The following METTL25 variants were observed in gnomAD, a reference collection of about 807,000 sequenced individuals.
The protein encoded by METTL25 is methyltransferase like 25.
A neutral mutation model predicts 71.6 loss-of-function variants in METTL25; 64 were observed. The ratio of observed to expected loss-of-function variants is 0.89; its 90% confidence interval spans 0.73 to 1.10. METTL25 has a LOEUF of 1.10. METTL25 is among the 50% of genes least tolerant of loss of function. The probability of loss-of-function intolerance (pLI) is 0.00; values close to 1 mark genes in which losing one functional copy is unlikely to be tolerated. For missense variants in METTL25, 807 were observed against 707.0 expected (o/e 1.14, Z -1.60); for synonymous variants, 287 against 250.3 (o/e 1.15, Z -1.38).
intron 9 of METTL25, among the ~76,000 whole-genome samples, chr12:82,475,846 C>T (rs924035456): frequency 3.2e-4 from 48 of 151,836 alleles, no homozygotes; most frequent in Admixed American, 2.7e-3. Flanking sequence ...AAATATTTAC[C>T]TTATATACTT....
At position 82,476,503 on chromosome 12, in the gene METTL25, A is replaced by G. The variant is rs555945164; in HGVS notation, c.1573-141A>G. ...ATTTAGAGTTATCTTGACTTGCTTCATGAATATCCTTAGAGCGAGTTCTTC... is the reference window on the plus strand; with the variant it reads ...ATTTAGAGTTATCTTGACTTGCTTCGTGAATATCCTTAGAGCGAGTTCTTC... On this transcript the variant is annotated intron_variant, in intron 9 of 11. Coordinates refer to ENST00000248306, the MANE Select transcript of METTL25 (RefSeq NM_032230.3). 3 of 611,418 alleles carry G rather than the reference A, an allele frequency of 4.9e-6. No homozygotes were observed. In the South Asian group the frequency reaches 6.4e-5, roughly 13 times the overall value. 37.9% of individuals were successfully genotyped at this position (611,418 alleles called of 1,614,324 possible). A position where few individuals can be genotyped will look rare whatever the true frequency, so the allele number is the denominator to read the frequency against.
At chr12:82,477,843 G>A (rs899519388) in intron 11 of METTL25, among the ~76,000 whole-genome samples, 3 of 151,486 alleles carry the variant, frequency 2.0e-5, no homozygotes, top group East Asian at 3.9e-4. Flanking sequence ...CTTTTGGGTT[G>A]TCTTTAAGGA....
chr12:82,383,831 C>G (rs1352686176), intron 1 of METTL25, among the ~76,000 whole-genome samples: 1 of 151,710 alleles, frequency 6.6e-6, no homozygotes, highest in Admixed American at 6.6e-5. Flanking sequence ...TATCTTTGTC[C>G]TTGTACACTG....
chr12:82,426,443 T>G (rs959324734), intron 5 of METTL25, among the ~76,000 whole-genome samples: 1 of 151,906 alleles, frequency 6.6e-6, no homozygotes. Context: ...AGTTCCTAGG[T>G]GTTTTGGATA....
chr12:82,408,286 C>T (rs1171657985), intron 5 of METTL25, among the ~76,000 whole-genome samples: 5 of 152,008 alleles, frequency 3.3e-5, no homozygotes, highest in Admixed American at 2.6e-4. Context: ...TGCCAGTTTG[C>T]GGATTCATAT....
At chr12:82,402,663 AGTT>A (rs1335726973) in intron 4 of METTL25, among the ~76,000 whole-genome samples, 1 of 152,214 alleles carries the variant, frequency 6.6e-6, no homozygotes, top group African/African-American at 2.4e-5. Flanking sequence ...TGGACGTTAA[AGTT>A]GAAAGATTTA....
At chr12:82,455,403 CT>C (rs1313483568) in intron 8 of METTL25, among the ~76,000 whole-genome samples, 4 of 151,738 alleles carry the variant, frequency 2.6e-5, no homozygotes, top group African/African-American at 9.7e-5. Flanking sequence ...TATTTTCTGC[CT>C]TCTGGAACCT....
intron 2 of METTL25, among the ~76,000 whole-genome samples, chr12:82,387,675 T>G (rs1885168351): frequency 6.6e-6 from 1 of 151,092 alleles, no homozygotes; most frequent in African/African-American, 2.4e-5. Context: ...GTGTTCACAT[T>G]TTGCCACATT....
intron 4 of METTL25, among the ~76,000 whole-genome samples, chr12:82,400,334 CCAACAAAA>C: frequency 8.1e-6 from 1 of 123,940 alleles, no homozygotes; most frequent in South Asian, 2.6e-4. Flanking sequence ...GGTGTCCCCC[CCAACAAAA>C]AAAAAAAGAA....
At chr12:82,431,337 T>C (rs1235109770) in intron 6 of METTL25, among the ~76,000 whole-genome samples, 1 of 151,584 alleles carries the variant, frequency 6.6e-6, no homozygotes, top group Non-Finnish European at 1.5e-5. Flanking sequence ...ATGAAGTAAC[T>C]ATCTAATTAA....
intron 5 of METTL25, among the ~76,000 whole-genome samples, chr12:82,407,130 T>A (rs1230952951): frequency 6.6e-6 from 1 of 152,178 alleles, no homozygotes; most frequent in African/African-American, 2.4e-5. Flanking sequence ...TCCAAAAATC[T>A]CTTCTTGGTT....
At chr12:82,443,010 CAAAAA>C (rs966609283) in intron 8 of METTL25, among the ~76,000 whole-genome samples, 1 of 139,024 alleles carries the variant, frequency 7.2e-6, no homozygotes, top group African/African-American at 2.6e-5. Flanking sequence ...GATCAAAAAA[CAAAAA>C]AAAAAGCTAG....
At chr12:82,446,942 A>G (rs969561428) in intron 8 of METTL25, among the ~76,000 whole-genome samples, 8 of 152,152 alleles carry the variant, frequency 5.3e-5, no homozygotes, top group Non-Finnish European at 1.0e-4. Context: ...ACAAATGAAA[A>G]TGAAGACAAC....
chr12:82,443,151 A>G lies in METTL25; in HGVS notation c.1478+4360A>G, dbSNP rs140465332. On this transcript the variant is annotated intron_variant, in intron 8 of 11. Coordinates refer to ENST00000248306, the MANE Select transcript of METTL25 (RefSeq NM_032230.3). ...CAATAGCAATATTAAGAATTTTTCA[A>G]TCCTGACAAAAAGATATCAATCTTA... 4.0e-3 allele frequency among the ~76,000 whole-genome samples: 612 copies of G among 152,240 alleles called. 7 individuals carry two copies. Among genetic ancestry groups the G allele is most frequent in the Admixed American group, 5.2e-3 (79 of 15,274 alleles).
chr12:82,399,032 G>T lies in METTL25; in HGVS notation c.769G>T (p.Asp257Tyr), dbSNP rs1183252833. ...KVQNKVKNKA[D>Y]TEEVFNNSPT... ...GCAAAATAAAGTTAAAAATAAAGCT[G>T]ATACTGAGGAAGTGTTTAACAACAG... Residue 257 changes from aspartate (D) to tyrosine (Y), a missense_variant, in exon 4 of 12, where the codon GAT (aspartate) becomes TAT (tyrosine). Coordinates refer to ENST00000248306, the MANE Select transcript of METTL25 (RefSeq NM_032230.3). The T allele has an allele frequency of 6.2e-7, 1 of 1,611,760 alleles. No homozygotes were observed. Among genetic ancestry groups the T allele is most frequent in the Admixed American group, 1.7e-5 (1 of 59,876 alleles).
chr12:82,391,836 A>C (rs1885618419), intron 3 of METTL25, among the ~76,000 whole-genome samples: 1 of 150,760 alleles, frequency 6.6e-6, no homozygotes, highest in Admixed American at 6.6e-5. Flanking sequence ...ATGGCTGTCT[A>C]ATTTACATTC....
In METTL25 at chr12:82,386,958, C is replaced by A; in HGVS notation, c.415C>A (p.Gln139Lys). The part of the protein sequence containing the change: ...LLVALRGNQN[Q>K]RIGENQKAVE... ...TGTAGCCCTTCGAGGAAATCAAAAC[C>A]AGAGAATTGGTATGTCTATTTATGT... The change falls in exon 2 of 12, where the codon CAG becomes AAG. Residue 139 changes from glutamine (Q) to lysine (K), a missense_variant. Physicochemically the swap from Gln to Lys is moderately conservative, Grantham distance 53 (BLOSUM62 1). Coordinates refer to ENST00000248306, the MANE Select transcript of METTL25 (RefSeq NM_032230.3). 1 of 1,612,192 alleles carries A rather than the reference C, an allele frequency of 6.2e-7. No individual in the cohort carries two copies. The highest frequency in any genetic ancestry group is 8.5e-7 in the Non-Finnish European group (1 of 1,178,928).
rs565849969 is a variant in METTL25 at position 82,368,585 on chromosome 12, C to G, written c.259+9761C>G. Among the ~76,000 whole-genome samples the G allele has an allele frequency of 1.4e-4, 22 of 152,220 alleles. 1 individual carries two copies. The South Asian group carries it at 4.6e-3, about 32-fold the overall frequency. ...AGGCTCCAATCAGTTCCCTCATACCCCCGAAAATGAATTCAGGAATTTGTT... is the reference window on the plus strand; with the variant it reads ...AGGCTCCAATCAGTTCCCTCATACCGCCGAAAATGAATTCAGGAATTTGTT... On this transcript the variant is annotated intron_variant, in intron 1 of 11. Transcript: ENST00000248306.
chr12:82,394,529 C>T (rs971304750), intron 3 of METTL25, among the ~76,000 whole-genome samples: 1 of 152,026 alleles, frequency 6.6e-6, no homozygotes, highest in Admixed American at 6.6e-5. Flanking sequence ...CTCATTCATA[C>T]TTGCATGCAT....
Sources: allele counts gnomAD v4.1 joint callset (sites outside exome capture counted in the v4.1 genomes callset), GRCh38; gene constraint gnomAD v4.1.1; transcripts MANE v1.5; gene names NCBI Gene and HGNC (gene_info 2026-07-23, HGNC 2026-07-21).